Variants in ANKRD60 observed in about 807,000 individuals in gnomAD.
The protein encoded by ANKRD60 is ankyrin repeat domain-containing protein 60.
A neutral mutation model predicts 21.3 loss-of-function variants in ANKRD60; 24 were observed. The observed-to-expected ratio is 1.13, with a 90% CI of 0.82 to 1.59. The LOEUF (loss-of-function observed/expected upper bound fraction) is 1.59, where lower values mean the gene tolerates loss of function less well. ANKRD60 is among the 40% of genes most tolerant of loss of function. The pLI is 0.00. For missense variants in ANKRD60, 490 were observed against 466.7 expected (o/e 1.05, Z -0.46); for synonymous variants, 182 against 199.4 (o/e 0.91, Z 0.74).
At chr20:58,224,935 C>G (rs1984335022) in intron 1 of ANKRD60, among the ~76,000 whole-genome samples, 3 of 152,194 alleles carry the variant, frequency 2.0e-5, no homozygotes, top group African/African-American at 7.2e-5. Flanking sequence ...GATTTGCTCA[C>G]CCCTTTTAGA....
rs80281177 is a variant in ANKRD60 at position 58,219,599 on chromosome 20, A to T, written c.728-794T>A. Among the ~76,000 whole-genome samples the T allele has an allele frequency of 7.4e-3, 1,127 of 152,326 alleles. 17 individuals carry two copies. Among genetic ancestry groups the T allele is most frequent in the African/African-American group, 0.026 (1,087 of 41,564 alleles). On this transcript the variant is annotated intron_variant, in intron 3 of 3. Coordinates refer to ENST00000457363, the Ensembl canonical transcript of ANKRD60. Reference sequence around the variant, plus strand: ...GGCTAATGACAGGTGTCCAATATGGAGTTGTTGAATTGAATCAAATTCTGG... The same window carrying T: ...GGCTAATGACAGGTGTCCAATATGGTGTTGTTGAATTGAATCAAATTCTGG...
chr20:58,221,279 C>G, intron 3 of ANKRD60, 59 bp downstream of exon 3: 1 of 1,514,624 alleles, frequency 6.6e-7, no homozygotes, highest in East Asian at 2.5e-5. Flanking sequence ...GACACTCTGT[C>G]CTTTCTACCT....
intron 3 of ANKRD60, among the ~76,000 whole-genome samples, chr20:58,219,245 T>G (rs1478645641): frequency 6.6e-6 from 1 of 152,230 alleles, no homozygotes; most frequent in Non-Finnish European, 1.5e-5. Flanking sequence ...ATCTGACCTT[T>G]CTTTAGGTTT....
chr20:58,216,896 G>A (rs1984147110), downstream of ANKRD60, among the ~76,000 whole-genome samples: 1 of 152,192 alleles, frequency 6.6e-6, no homozygotes, highest in Non-Finnish European at 1.5e-5. Context: ...AACATAAATG[G>A]TCTGTGGGAG....
At chr20:58,218,571 T>G in exon 4 of ANKRD60, 1 of 1,551,708 alleles carries the variant, frequency 6.4e-7, no homozygotes, top group Non-Finnish European at 8.7e-7. Flanking sequence ...CATGACCAAG[T>G]CATTCAGATC....
At chr20:58,223,738 G>T (rs1377929591) in intron 1 of ANKRD60, among the ~76,000 whole-genome samples, 3 of 152,172 alleles carry the variant, frequency 2.0e-5, no homozygotes, top group Non-Finnish European at 4.4e-5. Context: ...CCTCCTCGTT[G>T]TCTGGTGTTC....
intron 1 of ANKRD60, among the ~76,000 whole-genome samples, chr20:58,225,471 C>T (rs530520579): frequency 2.6e-5 from 4 of 152,162 alleles, no homozygotes; most frequent in South Asian, 2.1e-4. Flanking sequence ...AAAATAAATA[C>T]GTCAGGAAAA....
chr20:58,218,631 C>T, exon 4 of ANKRD60: 1 of 1,551,818 alleles, frequency 6.4e-7, no homozygotes, highest in Non-Finnish European at 8.7e-7. Context: ...CTGCCTCTCG[C>T]TCAGTGTGTG....
Position 58,218,649 on chromosome 20 carries a change from C to A in ANKRD60, c.884G>T (p.Arg295Leu), listed in dbSNP as rs565683004. The change falls in exon 4 of 4, where the codon CGC becomes CTC. Residue 295 changes from arginine to leucine, a missense_variant. Coordinates refer to ENST00000457363, the Ensembl canonical transcript of ANKRD60. ...CCTCTCGCTCAGTGTGTGGTTCAGG[C>A]GGTGTGCAATGGAGATGGGGGTCTC... is the stretch of plus-strand genomic sequence containing the variant. The A allele has an allele frequency of 2.6e-6, 4 of 1,551,792 alleles. No individual in the cohort carries two copies. In the East Asian group the frequency reaches 9.8e-5, roughly 38 times the overall value.
intron 1 of ANKRD60, among the ~76,000 whole-genome samples, chr20:58,224,325 T>A (rs1411518763): frequency 6.6e-6 from 1 of 152,186 alleles, no homozygotes; most frequent in African/African-American, 2.4e-5. Flanking sequence ...CTGAGTGGGA[T>A]TCATGAGTTT....
downstream of ANKRD60, among the ~76,000 whole-genome samples, chr20:58,216,623 A>G (rs149189323): frequency 7.6e-4 from 116 of 152,286 alleles, 1 homozygote; most frequent in Middle Eastern, 6.8e-3. Context: ...TTCCTCGACT[A>G]TTATTTGTCT....
rs1246769062 is a variant in ANKRD60 at position 58,218,935 on chromosome 20, C to G, written c.728-130G>C. 5.2e-6 allele frequency: 4 copies of G among 769,988 alleles called. No homozygotes were observed. The African/African-American group carries it at 5.3e-5, about 10-fold the overall frequency. 47.7% of individuals were successfully genotyped at this position (769,988 alleles called of 1,614,324 possible). A position where few individuals can be genotyped will look rare whatever the true frequency, so the allele number is the denominator to read the frequency against. ...GCCCAGCTCCAGTACTGCCCTGCCC[C>G]CAGTCCACTCCCCTGGCAGCAGCCA... is the stretch of plus-strand genomic sequence containing the variant. On this transcript the variant is annotated intron_variant, in intron 3 of 3. Transcript: ENST00000457363.
chr20:58,228,294 C>G lies in ANKRD60; in HGVS notation c.360G>C (p.Glu120Asp). ...CCATCAGGTCCAGCTCCTCTTTGAG[C>G]TCCCGCACGGTCATGTCGCCGCGGC... Residue 120 changes from glutamate to aspartate, a missense_variant, in exon 1 of 4, where the codon GAG (glutamate) becomes GAC (aspartate). Glu to Asp is a conservative substitution (Grantham distance 45). Coordinates refer to ENST00000457363, the Ensembl canonical transcript of ANKRD60. The surrounding 1 kb of genome is among the most constrained non-coding windows in gnomAD (Gnocchi z 5.3). 1 of 1,551,458 alleles carries G rather than the reference C, an allele frequency of 6.4e-7. No individual in the cohort carries two copies.
downstream of ANKRD60, among the ~76,000 whole-genome samples, chr20:58,217,311 C>T (rs1984156437): frequency 6.6e-6 from 1 of 152,052 alleles, no homozygotes; most frequent in African/African-American, 2.4e-5. Context: ...TGCCTGTAAT[C>T]TTAGCTACTC....
chr20:58,228,584 G>A lies in ANKRD60; in HGVS notation c.70C>T (p.Pro24Ser), dbSNP rs891543592. 7 of 1,154,552 alleles carry A rather than the reference G, an allele frequency of 6.1e-6. No individual in the cohort carries two copies. The highest frequency in any genetic ancestry group is 6.4e-6 in the Non-Finnish European group (6 of 938,944). The allele number at this position is 1,154,552 out of a possible 1,614,324, so 71.5% of individuals were successfully genotyped here. A position where few individuals can be genotyped will look rare whatever the true frequency, so the allele number is the denominator to read the frequency against. The change falls in exon 1 of 4, where the codon CCA becomes TCA. Residue 24 changes from proline (P) to serine (S), a missense_variant. Pro to Ser is a moderately conservative substitution (Grantham distance 74, BLOSUM62 -1). Coordinates refer to ENST00000457363, the Ensembl canonical transcript of ANKRD60. This position sits in a 1 kb window ranked among gnomAD's most constrained non-coding sequence, Gnocchi z 5.3. ...TGCAGGCGAGAGGCGCCCCCAGTTGGCCCCGCCGCCCGCGCTCCGCCCGCC... is the reference window on the plus strand; with the variant it reads ...TGCAGGCGAGAGGCGCCCCCAGTTGACCCCGCCGCCCGCGCTCCGCCCGCC...
At chr20:58,223,182 C>T in exon 2 of ANKRD60, 1 of 1,535,408 alleles carries the variant, frequency 6.5e-7, no homozygotes, top group Non-Finnish European at 8.8e-7. Context: ...CATCAAAACT[C>T]CTGCAGGGAA....
chr20:58,223,180 C>A (rs1161279794), exon 2 of ANKRD60: 3 of 1,535,508 alleles, frequency 2.0e-6, no homozygotes, highest in East Asian at 4.9e-5. Context: ...TCCATCAAAA[C>A]TCCTGCAGGG....
rs1479280315 is a variant in ANKRD60, at chr20:58,228,014, T to C, written c.430+210A>G. On this transcript the variant is annotated intron_variant, in intron 1 of 3. Coordinates refer to ENST00000457363, the Ensembl canonical transcript of ANKRD60. The surrounding 1 kb of genome is among the most constrained non-coding windows in gnomAD (Gnocchi z 5.3). ...GGTTTGCCTTGATTGGGAGTCCAATTTGAACGCCGTGTGTTTGAGATTGGG... is the reference window on the plus strand; with the variant it reads ...GGTTTGCCTTGATTGGGAGTCCAATCTGAACGCCGTGTGTTTGAGATTGGG... 6.6e-6 allele frequency among the ~76,000 whole-genome samples: 1 copy of C among 152,124 alleles called. No homozygotes were observed. The highest frequency in any genetic ancestry group is 6.5e-5 in the Admixed American group (1 of 15,282).
At chr20:58,220,219 G>C (rs571522840) in intron 3 of ANKRD60, among the ~76,000 whole-genome samples, 1 of 152,208 alleles carries the variant, frequency 6.6e-6, no homozygotes. Flanking sequence ...CAAACACCAC[G>C]TAACATGTTC....
Sources: gnomAD v4.1 joint callset for allele counts (sites outside exome capture counted in the v4.1 genomes callset) on GRCh38, gnomAD v4.1.1 for gene constraint, Gnocchi (gnomAD v3.1) non-coding constraint, MANE v1.5 for transcripts, NCBI Gene and HGNC (gene_info 2026-07-23, HGNC 2026-07-21) for gene names.